The following KAZN variants were observed in gnomAD, a reference collection of about 807,000 sequenced individuals.
The protein encoded by KAZN is kazrin.
KAZN carries 40 observed loss-of-function variants against 87.4 expected under a neutral mutation model. The observed-to-expected ratio is 0.46, with a 90% CI of 0.36 to 0.60. KAZN has a LOEUF of 0.60. KAZN is among the 20% of genes least tolerant of loss of function. The probability of loss-of-function intolerance (pLI) is 0.00; values close to 1 mark genes in which losing one functional copy is unlikely to be tolerated. For missense variants in KAZN, 898 were observed against 1,073.9 expected (o/e 0.84, Z 2.29); for synonymous variants, 466 against 458.3 (o/e 1.02, Z -0.22).
intron 1 of KAZN, among the ~76,000 whole-genome samples, chr1:14,119,123 C>A (rs190493691): frequency 3.9e-5 from 6 of 152,256 alleles, no homozygotes; most frequent in African/African-American, 1.4e-4. Flanking sequence ...AGAAGAGTCA[C>A]CAATGAAAAA....
At chr1:14,149,695 T>C (rs1329356749) in intron 1 of KAZN, among the ~76,000 whole-genome samples, 1 of 152,174 alleles carries the variant, frequency 6.6e-6, no homozygotes, top group Non-Finnish European at 1.5e-5. Flanking sequence ...TTTATGCTCA[T>C]TTTATTTCCC....
intron 2 of KAZN, among the ~76,000 whole-genome samples, chr1:14,437,721 T>C (rs1004583974): frequency 6.6e-6 from 1 of 152,194 alleles, no homozygotes; most frequent in Non-Finnish European, 1.5e-5. Flanking sequence ...CGGGAGGCTC[T>C]GCATGCTGAG....
intron 1 of KAZN, among the ~76,000 whole-genome samples, chr1:13,978,119 C>T (rs1304001305): frequency 8.5e-6 from 1 of 118,288 alleles, no homozygotes; most frequent in Non-Finnish European, 1.7e-5. Flanking sequence ...CAGAGCAAGA[C>T]TCCATCTCAC....
intron 1 of KAZN, among the ~76,000 whole-genome samples, chr1:14,075,155 A>G (rs1277068382): frequency 2.0e-5 from 3 of 152,210 alleles, no homozygotes; most frequent in Admixed American, 6.5e-5. Flanking sequence ...GGGGAATTTG[A>G]ATATAAATAC....
intron 2 of KAZN, among the ~76,000 whole-genome samples, chr1:14,475,755 G>T (rs1039096736): frequency 1.3e-5 from 2 of 152,146 alleles, no homozygotes; most frequent in African/African-American, 4.8e-5. Flanking sequence ...TTGAACATAA[G>T]TTGGAAGAAG....
chr1:14,857,360 A>G (rs1480093717), intron 1 of KAZN, among the ~76,000 whole-genome samples: 1 of 152,062 alleles, frequency 6.6e-6, no homozygotes, highest in Non-Finnish European at 1.5e-5. Context: ...TTAGCAACAT[A>G]GTGAAACCCC....
At chr1:14,428,064 G>A (rs1557714647) in intron 2 of KAZN, among the ~76,000 whole-genome samples, 1 of 152,174 alleles carries the variant, frequency 6.6e-6, no homozygotes, top group African/African-American at 2.4e-5. Context: ...CACATTCTAT[G>A]TAAGTCTCAC....
chr1:14,039,161 C>T (rs1641691815), intron 1 of KAZN, among the ~76,000 whole-genome samples: 1 of 116,422 alleles, frequency 8.6e-6, no homozygotes, highest in African/African-American at 3.9e-5. Flanking sequence ...CAGAGTGAGA[C>T]TCTGTCTCAA....
intron 2 of KAZN, among the ~76,000 whole-genome samples, chr1:14,496,619 G>C (rs911210321): frequency 3.3e-5 from 5 of 152,164 alleles, no homozygotes; most frequent in Non-Finnish European, 7.3e-5. Flanking sequence ...ATGAGGAACA[G>C]TGACAAAGAA....
At chr1:14,484,239 A>C (rs890058201) in intron 2 of KAZN, among the ~76,000 whole-genome samples, 3 of 152,188 alleles carry the variant, frequency 2.0e-5, no homozygotes, top group Non-Finnish European at 4.4e-5. Context: ...GATTGCTTTC[A>C]GTTAGCTAGG....
At chr1:14,112,039 C>T (rs1338391330) in intron 1 of KAZN, among the ~76,000 whole-genome samples, 8 of 152,234 alleles carry the variant, frequency 5.3e-5, no homozygotes, top group Non-Finnish European at 1.0e-4. Context: ...CGCTCAGCCC[C>T]TTTGCCTAGA....
chr1:15,080,650 G>T (rs1395223844), intron 8 of KAZN, among the ~76,000 whole-genome samples: 1 of 152,208 alleles, frequency 6.6e-6, no homozygotes, highest in Non-Finnish European at 1.5e-5. Context: ...ATAAAAAGTT[G>T]TTTTTTCACA....
chr1:14,569,612 G>A (rs1410079230), intron 2 of KAZN, among the ~76,000 whole-genome samples: 4 of 150,484 alleles, frequency 2.7e-5, no homozygotes, highest in African/African-American at 9.8e-5. Flanking sequence ...ATGAGCCACC[G>A]CGCCCAGCCA....
intron 1 of KAZN, among the ~76,000 whole-genome samples, chr1:14,175,249 G>A (rs1005971121): frequency 4.6e-5 from 7 of 152,188 alleles, no homozygotes; most frequent in African/African-American, 1.4e-4. Flanking sequence ...GACTACAGGC[G>A]CCTGCCACTA....
intron 1 of KAZN, among the ~76,000 whole-genome samples, chr1:14,075,307 G>T (rs185517864): frequency 1.1e-4 from 17 of 152,220 alleles, no homozygotes; most frequent in African/African-American, 4.1e-4. Flanking sequence ...CAACTGCAGC[G>T]GAGGTGCCTT....
intron 1 of KAZN, among the ~76,000 whole-genome samples, chr1:14,115,317 G>A (rs978969224): frequency 1.6e-4 from 25 of 152,186 alleles, no homozygotes; most frequent in Non-Finnish European, 2.9e-4. Context: ...GATATGGTTT[G>A]GCTGTGCCCC....
intron 6 of KAZN, chr1:15,062,364 G>T (rs1184689648): frequency 6.6e-6 from 1 of 152,642 alleles, no homozygotes; most frequent in East Asian, 1.9e-4. Flanking sequence ...GATTCTGTTT[G>T]CAAACCTTGA....
At chr1:13,995,678 C>T (rs1639481885) in intron 1 of KAZN, among the ~76,000 whole-genome samples, 1 of 152,194 alleles carries the variant, frequency 6.6e-6, no homozygotes, top group African/African-American at 2.4e-5. Context: ...AGTTGGGAGA[C>T]TGGCCTAGCC....
rs200922907 is a variant in KAZN at position 14,945,262 on chromosome 1, C to T, written c.227-15422C>T. On this transcript the variant is annotated intron_variant, in intron 1 of 14. Coordinates refer to ENST00000376030, the MANE Select transcript of KAZN (RefSeq NM_201628.3). ...AGTTGGGTCTCCTGTGAGGCAGTCC[C>T]CCGTGGCCCAGTCCTGGTCTTTCTC... Among the ~76,000 whole-genome samples, 42 of 152,328 alleles carry T rather than the reference C, an allele frequency of 2.8e-4. No homozygotes were observed. In the East Asian group the frequency reaches 5.8e-3, roughly 21 times the overall value.
Sources: gnomAD v4.1 joint callset for allele counts (sites outside exome capture counted in the v4.1 genomes callset) on GRCh38, gnomAD v4.1.1 for gene constraint, MANE v1.5 for transcripts, NCBI Gene and HGNC (gene_info 2026-07-23, HGNC 2026-07-21) for gene names.